GGA2: variants seen among roughly 807,000 people sequenced by gnomAD.
GGA2 encodes the protein ADP-ribosylation factor-binding protein GGA2.
Under a neutral mutation model 79.5 loss-of-function variants are expected in GGA2, and 48 were observed. That is an observed-to-expected ratio of 0.60 (90% CI 0.48 to 0.77). The LOEUF is 0.77. Among genes scored for constraint, GGA2 ranks in the 30% least tolerant of loss-of-function variants. The pLI, the probability that GGA2 is intolerant of heterozygous loss-of-function variation, is 0.00. For synonymous variants in GGA2, 317 were observed against 302.0 expected (o/e 1.05, Z -0.51); for missense variants, 770 against 774.0 (o/e 0.99, Z 0.06).
chr16:23,466,355 A>G lies in GGA2; in HGVS notation c.*1235T>C, dbSNP rs918494393. On this transcript the variant is annotated 3_prime_UTR_variant, in exon 17 of 17. Coordinates refer to ENST00000309859, the MANE Select transcript of GGA2 (RefSeq NM_015044.4). Reference sequence around the variant, plus strand: ...ACATACACATTCAAGTTCCTAGCACACAGTAGGTGCTAAGTGGGAATTGAT... The same window carrying G: ...ACATACACATTCAAGTTCCTAGCACGCAGTAGGTGCTAAGTGGGAATTGAT... 14 of 152,320 alleles carry G rather than the reference A, an allele frequency of 9.2e-5. No individual in the cohort carries two copies. The highest frequency in any genetic ancestry group is 3.9e-4 in the Admixed American group (6 of 15,292). 9.4% of individuals were successfully genotyped at this position (152,320 alleles called of 1,614,324 possible). A position where few individuals can be genotyped will look rare whatever the true frequency, so the allele number is the denominator to read the frequency against.
At chr16:23,506,620 G>T (rs1046216850) in intron 1 of GGA2, among the ~76,000 whole-genome samples, 2 of 152,140 alleles carry the variant, frequency 1.3e-5, no homozygotes, top group African/African-American at 4.8e-5. Flanking sequence ...GCACAGGTCA[G>T]CCCCCACAAC....
In GGA2 at chr16:23,466,886, C is replaced by T. The variant is rs2142109536; in HGVS notation, c.*704G>A. The T allele has an allele frequency of 6.5e-6, 1 of 152,980 alleles. No individual in the cohort carries two copies. The highest frequency in any genetic ancestry group is 1.9e-4 in the East Asian group (1 of 5,186). 9.5% of individuals were successfully genotyped at this position (152,980 alleles called of 1,614,324 possible). On this transcript the variant is annotated 3_prime_UTR_variant, in exon 17 of 17. Transcript: ENST00000309859. Reference sequence around the variant, plus strand: ...GAGTAAGGCCTGGGAGCTGCTTTCCCCTCTGCCCAGGAACTCTGTCCAGGG... The same window carrying T: ...GAGTAAGGCCTGGGAGCTGCTTTCCTCTCTGCCCAGGAACTCTGTCCAGGG...
chr16:23,494,221 A>C, intron 3 of GGA2, 82 bp downstream of exon 3: 3 of 898,384 alleles, frequency 3.3e-6, no homozygotes, highest in Non-Finnish European at 5.7e-6. Flanking sequence ...AGTGAAAAGG[A>C]TCTGTGTGGA....
At chr16:23,478,807 C>T in intron 12 of GGA2, 76 bp downstream of exon 12, 2 of 1,036,928 alleles carry the variant, frequency 1.9e-6, no homozygotes, top group Non-Finnish European at 1.5e-6. Context: ...CTCTGCTCGC[C>T]AGGCAGTGCT....
At position 23,486,705 on chromosome 16, in the gene GGA2, C is replaced by G; in HGVS notation, c.660+5G>C. On this transcript the variant is annotated splice_donor_5th_base_variant and intron_variant, in intron 7 of 16. Transcript: ENST00000309859. The stretch of plus-strand genomic sequence containing the variant: ...TTCTACTGAACCAACTGGAAGAATG[C>G]CCACCTCCTTGACCAAATTCTTGAT... The G allele has an allele frequency of 1.9e-6, 3 of 1,565,506 alleles. No homozygotes were observed. Among genetic ancestry groups the G allele is most frequent in the Non-Finnish European group, 2.6e-6 (3 of 1,135,584 alleles).
intron 2 of GGA2, among the ~76,000 whole-genome samples, chr16:23,495,178 A>C (rs1051931311): frequency 3.3e-5 from 5 of 152,196 alleles, no homozygotes; most frequent in African/African-American, 1.2e-4. Context: ...ATGCTGTGGA[A>C]ACAGAATTCA....
rs554099148 is a variant in GGA2, at chr16:23,492,278, G to GA, written c.352-479_352-478insT. 3.3e-4 allele frequency among the ~76,000 whole-genome samples: 51 copies of GA among 152,250 alleles called. No individual in the cohort carries two copies. In the East Asian group the frequency reaches 9.3e-3, roughly 28 times the overall value. On this transcript the variant is annotated intron_variant, in intron 4 of 16. Transcript: ENST00000309859. Reference sequence around the variant, plus strand: ...TGGCCACTCCAAAGAGATCAACCTTGTGATCAGAGGGCTGAAACTTTCAGC... The same window carrying GA: ...TGGCCACTCCAAAGAGATCAACCTTGATGATCAGAGGGCTGAAACTTTCAGC...
intron 16 of GGA2, among the ~76,000 whole-genome samples, chr16:23,468,093 AGACT>A (rs1439917708): frequency 2.0e-5 from 3 of 150,988 alleles, no homozygotes; most frequent in East Asian, 1.9e-4. Context: ...ACCAAACCAG[AGACT>A]GACTTTCTTT....
chr16:23,476,435 C>T (rs1964577654), intron 13 of GGA2, among the ~76,000 whole-genome samples: 1 of 152,150 alleles, frequency 6.6e-6, no homozygotes, highest in Admixed American at 6.6e-5. Flanking sequence ...CCTTAGAGAA[C>T]CTCTCCCTTC....
intron 14 of GGA2, among the ~76,000 whole-genome samples, chr16:23,470,831 T>G (rs1341009811): frequency 6.9e-6 from 1 of 145,340 alleles, no homozygotes; most frequent in Non-Finnish European, 1.5e-5. Flanking sequence ...AATGCTTTTT[T>G]TTTTTTTTTT....
chr16:23,470,058 T>G lies in GGA2; in HGVS notation c.1558A>C (p.Thr520Pro). 1 of 1,608,840 alleles carries G rather than the reference T, an allele frequency of 6.2e-7. No individual in the cohort carries two copies. Among genetic ancestry groups the G allele is most frequent in the South Asian group, 1.1e-5 (1 of 89,556 alleles). Residue 520 changes from threonine to proline, a missense_variant, in exon 15 of 17, where the codon ACC becomes CCC. Transcript: ENST00000309859. ...GGCTGGGGAGCCGTGCTCATCATGG[T>G]CAAGAGCAGCACCTGTACCTCTGGG... ...GHPEVQVLLLTMMSTAPQPVW... is the reference protein window; with the variant it reads ...GHPEVQVLLLPMMSTAPQPVW...
chr16:23,470,312 A>T, intron 14 of GGA2, 147 bp from the exon 15 acceptor site: 1 of 566,436 alleles, frequency 1.8e-6, no homozygotes. Flanking sequence ...GCACTACCAT[A>T]ATCCAAGTCC....
At chr16:23,508,956 C>A (rs1965005476) in intron 1 of GGA2, among the ~76,000 whole-genome samples, 1 of 152,118 alleles carries the variant, frequency 6.6e-6, no homozygotes, top group Non-Finnish European at 1.5e-5. Context: ...TTCCAAGGCA[C>A]CGAGGCTGCT....
chr16:23,491,019 C>T (rs1288014859), intron 5 of GGA2, among the ~76,000 whole-genome samples: 1 of 151,952 alleles, frequency 6.6e-6, no homozygotes, highest in Non-Finnish European at 1.5e-5. Flanking sequence ...CATTGCAAGA[C>T]CCTGTCTCTA....
At chr16:23,513,611 G>A (rs1170347955), upstream of GGA2, among the ~76,000 whole-genome samples, 3 of 151,644 alleles carry the variant, frequency 2.0e-5, no homozygotes, top group African/African-American at 4.8e-5. Context: ...TGGTGAAACC[G>A]CGTGTCTACA....
At position 23,478,641 on chromosome 16, in the gene GGA2, G is replaced by A. The variant is rs772531183; in HGVS notation, c.1159-140C>T. On this transcript the variant is annotated intron_variant, in intron 12 of 16. Transcript: ENST00000309859. ...ACATCTCTTGGGGCAAGAGGGGAAA[G>A]AAAGGGCAAGATCACATGCAGCTCC... The A allele has an allele frequency of 1.1e-5, 9 of 847,098 alleles. No homozygotes were observed. The South Asian group carries it at 1.2e-4, about 12-fold the overall frequency. The allele number at this position is 847,098 out of a possible 1,614,324, so 52.5% of individuals were successfully genotyped here. A position where few individuals can be genotyped will look rare whatever the true frequency, so the allele number is the denominator to read the frequency against.
intron 1 of GGA2, among the ~76,000 whole-genome samples, chr16:23,509,745 C>CAT (rs1486072422): frequency 1.4e-4 from 21 of 148,378 alleles, no homozygotes; most frequent in East Asian, 1.0e-3. Context: ...AAAAAACACA[C>CAT]ATATATATAT....
chr16:23,468,993 T>C lies in GGA2; in HGVS notation c.1624A>G (p.Met542Val), dbSNP rs150611801. The C allele has an allele frequency of 1.4e-5, 22 of 1,596,422 alleles. No homozygotes were observed. Among genetic ancestry groups the C allele is most frequent in the East Asian group, 2.2e-5 (1 of 44,756 alleles). ...IMFQVAVPKS[M>V]RVKLQPASSS... ...GATGCCGGCTGCAGCTTCACTCTCA[T>C]TGACTATCAGGGGAAGAAAACCAAC... The change falls in exon 16 of 17, where the codon ATG becomes GTG. Residue 542 changes from methionine to valine, a missense_variant. Transcript: ENST00000309859.
intron 14 of GGA2, among the ~76,000 whole-genome samples, chr16:23,471,346 G>A (rs1220799760): frequency 1.3e-5 from 2 of 151,952 alleles, no homozygotes; most frequent in Non-Finnish European, 2.9e-5. Context: ...ATTTAGCTAA[G>A]GAGTGACTCT....
Sources: gnomAD v4.1 joint callset for allele counts (sites outside exome capture counted in the v4.1 genomes callset) on GRCh38, gnomAD v4.1.1 for gene constraint, MANE v1.5 for transcripts, NCBI Gene and HGNC (gene_info 2026-07-23, HGNC 2026-07-21) for gene names.